The following ARHGAP24 variants were observed in gnomAD, a reference collection of about 807,000 sequenced individuals.
The protein encoded by ARHGAP24 is Rho GTPase activating protein 24.
A neutral mutation model predicts 76.4 loss-of-function variants in ARHGAP24; 50 were observed. The ratio of observed to expected loss-of-function variants is 0.65; its 90% CI spans 0.52 to 0.83. The LOEUF (loss-of-function observed/expected upper bound fraction) is 0.83, where lower values mean the gene tolerates loss of function less well. Ranked by LOEUF, ARHGAP24 falls within the 40% of genes least tolerant of loss-of-function variation. The probability of loss-of-function intolerance (pLI) is 0.00; values close to 1 mark genes in which losing one functional copy is unlikely to be tolerated. For missense variants in ARHGAP24, 930 were observed against 914.2 expected (o/e 1.02, Z -0.22); for synonymous variants, 345 against 323.3 (o/e 1.07, Z -0.72).
At chr4:85,786,301 A>C (rs184753247) in intron 3 of ARHGAP24, among the ~76,000 whole-genome samples, 1 of 152,216 alleles carries the variant, frequency 6.6e-6, no homozygotes, top group Non-Finnish European at 1.5e-5. Flanking sequence ...TGCAGCAGAA[A>C]TAAACCTGAG....
chr4:85,966,548 A>G (rs1171113963), intron 5 of ARHGAP24, among the ~76,000 whole-genome samples: 1 of 152,194 alleles, frequency 6.6e-6, no homozygotes, highest in Non-Finnish European at 1.5e-5. Flanking sequence ...ACATAAAAAA[A>G]TAAGTTTGAA....
rs1464728170 is a variant in ARHGAP24, at chr4:86,001,303, C to G, written c.*581C>G. 2.5e-6 allele frequency: 1 copy of G among 398,828 alleles called. No individual in the cohort carries two copies. The highest frequency in any genetic ancestry group is 4.4e-5 in the Admixed American group (1 of 22,712). 24.7% of individuals were successfully genotyped at this position (398,828 alleles called of 1,614,324 possible). A position where few individuals can be genotyped will look rare whatever the true frequency, so the allele number is the denominator to read the frequency against. ...TGTAAATAGTTTTATAAAATACAGT[C>G]GAATCACCAGGAACCTTTGAGCTGC... On this transcript the variant is annotated 3_prime_UTR_variant, in exon 10 of 10. Coordinates refer to ENST00000395184, the MANE Select transcript of ARHGAP24 (RefSeq NM_001025616.3).
At chr4:85,483,807 G>A (rs1487993085) in intron 1 of ARHGAP24, among the ~76,000 whole-genome samples, 1 of 151,944 alleles carries the variant, frequency 6.6e-6, no homozygotes, top group Non-Finnish European at 1.5e-5. Flanking sequence ...CTCAAGTGTG[G>A]TACCAGGACC....
intron 3 of ARHGAP24, among the ~76,000 whole-genome samples, chr4:85,833,625 G>A (rs1038962304): frequency 5.3e-5 from 8 of 152,174 alleles, no homozygotes; most frequent in African/African-American, 1.9e-4. Context: ...TTGAAAAATT[G>A]CAAAGGACTA....
chr4:85,724,310 A>G (rs1357699334), intron 3 of ARHGAP24, among the ~76,000 whole-genome samples: 1 of 152,142 alleles, frequency 6.6e-6, no homozygotes, highest in Non-Finnish European at 1.5e-5. Context: ...AGTGAGTAGG[A>G]GAGGATTACA....
intron 3 of ARHGAP24, among the ~76,000 whole-genome samples, chr4:85,860,885 G>A (rs1466928027): frequency 6.6e-6 from 1 of 151,874 alleles, no homozygotes; most frequent in Non-Finnish European, 1.5e-5. Context: ...TAAGAGGAAT[G>A]CATTATGTTT....
chr4:85,769,832 C>T (rs1727067619), intron 3 of ARHGAP24, among the ~76,000 whole-genome samples: 1 of 151,918 alleles, frequency 6.6e-6, no homozygotes, highest in Non-Finnish European at 1.5e-5. Context: ...CGTGATTTGC[C>T]CACCTTGGCC....
intron 1 of ARHGAP24, among the ~76,000 whole-genome samples, chr4:85,567,681 A>G (rs150905747): frequency 1.5e-3 from 235 of 152,300 alleles, no homozygotes; most frequent in African/African-American, 5.0e-3. Flanking sequence ...ACACTTATGG[A>G]ATTACAGAGA....
At chr4:85,913,409 A>C (rs28478283) in intron 3 of ARHGAP24, among the ~76,000 whole-genome samples, 1,536 of 151,616 alleles carry the variant, frequency 0.01, 20 homozygotes, top group African/African-American at 0.035. Context: ...TTTTCATCTT[A>C]TTTGACTTGT....
At chr4:85,487,323 AT>A (rs1255028717) in intron 1 of ARHGAP24, among the ~76,000 whole-genome samples, 47 of 119,414 alleles carry the variant, frequency 3.9e-4, no homozygotes, top group African/African-American at 1.5e-3. Context: ...TAAAATATAT[AT>A]TTATTATAAA....
chr4:85,818,290 C>T (rs754648980), intron 3 of ARHGAP24, among the ~76,000 whole-genome samples: 17 of 152,208 alleles, frequency 1.1e-4, no homozygotes, highest in Non-Finnish European at 2.4e-4. Context: ...TCTGGGACCC[C>T]TGCCCACCTG....
intron 3 of ARHGAP24, among the ~76,000 whole-genome samples, chr4:85,839,776 CA>C (rs1730486425): frequency 6.6e-6 from 1 of 150,454 alleles, no homozygotes; most frequent in Non-Finnish European, 1.5e-5. Context: ...GTTGACTAAG[CA>C]AATGAAACAC....
At chr4:85,756,219 C>A (rs1301249224) in intron 3 of ARHGAP24, among the ~76,000 whole-genome samples, 1 of 131,318 alleles carries the variant, frequency 7.6e-6, no homozygotes, top group Non-Finnish European at 1.7e-5. Context: ...AATAAAGTAG[C>A]TGATTAAACT....
chr4:85,644,913 G>T (rs1721667411), intron 2 of ARHGAP24, among the ~76,000 whole-genome samples: 1 of 152,002 alleles, frequency 6.6e-6, no homozygotes, highest in Non-Finnish European at 1.5e-5. Context: ...CTAAACTATA[G>T]ATGATGGCAA....
At chr4:85,520,621 C>G (rs1724703732) in intron 1 of ARHGAP24, among the ~76,000 whole-genome samples, 1 of 152,058 alleles carries the variant, frequency 6.6e-6, no homozygotes. Context: ...TACAATAAGC[C>G]CTTGTATTTT....
chr4:85,563,039 G>A (rs990959101), intron 1 of ARHGAP24, among the ~76,000 whole-genome samples: 7 of 152,108 alleles, frequency 4.6e-5, no homozygotes, highest in Non-Finnish European at 7.3e-5. Flanking sequence ...GGGAAGTGAG[G>A]GAAGCAGGAT....
In ARHGAP24 at chr4:85,712,860, C is replaced by T. The variant is rs771198670; in HGVS notation, c.181-9025C>T. 9.6e-4 allele frequency among the ~76,000 whole-genome samples: 146 copies of T among 152,262 alleles called. 1 individual carries two copies. Among genetic ancestry groups the T allele is most frequent in the Non-Finnish European group, 1.9e-3 (126 of 68,028 alleles). ...TTAAGACCTGACATCTTTCCGTGGCCATTATTCAGTAAGTGATACTATATT... is the reference window on the plus strand; with the variant it reads ...TTAAGACCTGACATCTTTCCGTGGCTATTATTCAGTAAGTGATACTATATT... On this transcript the variant is annotated intron_variant, in intron 2 of 9. Transcript: ENST00000395184.
At chr4:85,717,266 A>G (rs1218270397) in intron 2 of ARHGAP24, among the ~76,000 whole-genome samples, 1 of 152,066 alleles carries the variant, frequency 6.6e-6, no homozygotes, top group Non-Finnish European at 1.5e-5. Context: ...TGTTTAAGCT[A>G]TGACTAGTTT....
At chr4:85,557,418 G>T (rs1055333777) in intron 1 of ARHGAP24, among the ~76,000 whole-genome samples, 1 of 152,224 alleles carries the variant, frequency 6.6e-6, no homozygotes, top group African/African-American at 2.4e-5. Context: ...CTCTGTGTTG[G>T]TCTGGAGGCC....
Sources: gnomAD v4.1 joint callset for allele counts (sites outside exome capture counted in the v4.1 genomes callset) on GRCh38, gnomAD v4.1.1 for gene constraint, MANE v1.5 for transcripts, NCBI Gene and HGNC (gene_info 2026-07-23, HGNC 2026-07-21) for gene names.